The following SFMBT1 variants were observed in gnomAD, a reference collection of about 807,000 sequenced individuals.
The protein encoded by SFMBT1 is scm-like with four MBT domains protein 1.
Under a neutral mutation model 108.7 loss-of-function variants are expected in SFMBT1, and 32 were observed. That is an observed-to-expected ratio of 0.29 (90% CI 0.22 to 0.40). The LOEUF (loss-of-function observed/expected upper bound fraction) is 0.40. Ranked by LOEUF, SFMBT1 falls within the 10% of genes least tolerant of loss-of-function variation. The pLI is 1.00. For synonymous variants in SFMBT1, 348 were observed against 369.5 expected (o/e 0.94, Z 0.67); for missense variants, 816 against 1,059.6 (o/e 0.77, Z 3.19).
chr3:52,962,678 C>T (rs945215789), intron 2 of SFMBT1, among the ~76,000 whole-genome samples: 2 of 151,676 alleles, frequency 1.3e-5, no homozygotes, highest in Non-Finnish European at 2.9e-5. Context: ...CATGGTGGCA[C>T]GTGCCTGTAA....
intron 4 of SFMBT1, among the ~76,000 whole-genome samples, chr3:52,942,742 T>C (rs1389777020): frequency 1.3e-5 from 2 of 152,234 alleles, no homozygotes; most frequent in African/African-American, 2.4e-5. Flanking sequence ...CTCGAACTCC[T>C]GACCTCAGGT....
chr3:52,928,490 C>T, intron 8 of SFMBT1, 149 bp from the exon 9 acceptor site: 1 of 734,644 alleles, frequency 1.4e-6, no homozygotes, highest in African/African-American at 1.8e-5. Context: ...TTATGTAATA[C>T]ATATAATTAC....
intron 3 of SFMBT1, among the ~76,000 whole-genome samples, chr3:52,945,145 A>AAAAAAAAAAAAAAAAAAAAAAAAC (rs1420084654): frequency 6.8e-6 from 1 of 147,602 alleles, no homozygotes; most frequent in African/African-American, 2.5e-5. Context: ...TTAAAAAAAA[A>AAAAAAAAAAAAAAAAAAAAAAAAC]AAAAAACAAG....
At chr3:53,021,243 T>C in intron 1 of SFMBT1, among the ~76,000 whole-genome samples, 1 of 152,224 alleles carries the variant, frequency 6.6e-6, no homozygotes, top group East Asian at 1.9e-4. Context: ...GAGTAACTAG[T>C]ATGTACCTAA....
rs1010106142 is a variant in SFMBT1, at chr3:52,932,107, C to T, written c.655G>A (p.Val219Ile). 9 of 1,614,140 alleles carry T rather than the reference C, an allele frequency of 5.6e-6. No individual in the cohort carries two copies. The highest frequency in any genetic ancestry group is 7.6e-6 in the Non-Finnish European group (9 of 1,180,040). Residue 219 changes from valine to isoleucine, a missense_variant, in exon 6 of 21, where the codon GTT becomes ATT. Physicochemically the swap from Val to Ile is conservative, Grantham distance 29. Transcript: ENST00000394752. Reference sequence around the variant, plus strand: ...TATCCCTGTTGAGCAGCCCAACCAACGTGATGAAGAAATGGATCCAAGTAA... The same window carrying T: ...TATCCCTGTTGAGCAGCCCAACCAATGTGATGAAGAAATGGATCCAAGTAA... ...LYYLDPFLHH[V>I]GWAAQQGYEL...
chr3:52,960,328 G>A (rs1361574416), intron 2 of SFMBT1, among the ~76,000 whole-genome samples: 1 of 152,058 alleles, frequency 6.6e-6, no homozygotes, highest in Non-Finnish European at 1.5e-5. Context: ...TAGAAGGGAA[G>A]TACAAAAGAG....
chr3:52,982,090 C>T (rs983715624), intron 1 of SFMBT1, among the ~76,000 whole-genome samples: 2 of 152,014 alleles, frequency 1.3e-5, no homozygotes, highest in Admixed American at 6.5e-5. Flanking sequence ...TGGTGAAGGG[C>T]GTCTACTTGC....
At chr3:53,028,645 T>C (rs9847710) in intron 1 of SFMBT1, among the ~76,000 whole-genome samples, 69,864 of 151,764 alleles carry the variant, frequency 0.46, 16,490 homozygotes, top group South Asian at 0.63. Context: ...CTGTGTATGG[T>C]CACTGCATTC....
intron 4 of SFMBT1, among the ~76,000 whole-genome samples, chr3:52,940,891 G>A (rs187576646): frequency 6.6e-6 from 1 of 152,316 alleles, no homozygotes; most frequent in East Asian, 1.9e-4. Context: ...CTGATATCAT[G>A]CACTGGAAGG....
At chr3:52,981,032 C>A (rs1241059561) in intron 1 of SFMBT1, among the ~76,000 whole-genome samples, 1 of 151,924 alleles carries the variant, frequency 6.6e-6, no homozygotes, top group African/African-American at 2.4e-5. Context: ...CGTGGTGGCA[C>A]ATGCCTGTAA....
intron 1 of SFMBT1, chr3:53,045,377 C>CGCGCGGGGAGGG (rs1700195939): frequency 1.4e-5 from 2 of 140,278 alleles, no homozygotes; most frequent in African/African-American, 5.1e-5. Flanking sequence ...GCGCGGGGCG[C>CGCGCGGGGAGGG]GCGCGGGGAG....
intron 1 of SFMBT1, among the ~76,000 whole-genome samples, chr3:52,976,858 C>A (rs1704536473): frequency 6.6e-6 from 1 of 152,104 alleles, no homozygotes; most frequent in South Asian, 2.1e-4. Flanking sequence ...TCAACCTCAA[C>A]AGCTAAAATT....
chr3:52,941,676 C>A (rs141308607), intron 4 of SFMBT1, among the ~76,000 whole-genome samples: 1 of 147,236 alleles, frequency 6.8e-6, no homozygotes, highest in Non-Finnish European at 1.5e-5. Context: ...AAAGGAGGAA[C>A]GCTTAAGACC....
intron 1 of SFMBT1, among the ~76,000 whole-genome samples, chr3:52,982,880 G>A (rs1704765945): frequency 6.6e-6 from 1 of 151,850 alleles, no homozygotes; most frequent in Admixed American, 6.6e-5. Context: ...AGAAGAAGCA[G>A]TGCCAGAAAA....
chr3:52,970,834 G>A (rs1042875773), intron 1 of SFMBT1, among the ~76,000 whole-genome samples: 6 of 152,152 alleles, frequency 3.9e-5, no homozygotes, highest in African/African-American at 1.4e-4. Flanking sequence ...AAGGACAATA[G>A]CTTAAAATGG....
chr3:52,994,990 T>C (rs56384586), intron 1 of SFMBT1, among the ~76,000 whole-genome samples: 45,609 of 143,950 alleles, frequency 0.32, 9,118 homozygotes, highest in Middle Eastern at 0.45. Flanking sequence ...AAAAAATCTA[T>C]TCACTGTAGC....
chr3:53,016,166 A>C (rs1409337298), intron 1 of SFMBT1, among the ~76,000 whole-genome samples: 1 of 152,044 alleles, frequency 6.6e-6, no homozygotes, highest in African/African-American at 2.4e-5. Context: ...TGAAAAAAAA[A>C]AACAAAACCC....
chr3:52,996,808 G>A (rs534021800), intron 1 of SFMBT1, among the ~76,000 whole-genome samples: 2 of 150,338 alleles, frequency 1.3e-5, no homozygotes, highest in Non-Finnish European at 3.0e-5. Context: ...GGTGGCTCAC[G>A]CCTGTAATCC....
chr3:52,905,295 C>T lies in SFMBT1; in HGVS notation c.2461-19G>A, dbSNP rs759464694. On this transcript the variant is annotated intron_variant, in intron 20 of 20. Coordinates refer to ENST00000394752, the MANE Select transcript of SFMBT1 (RefSeq NM_016329.4). Reference sequence around the variant, plus strand: ...CAATTTCCTGTTAAAGCATAAAAGACAAATTATCTGTGATGTGCACATGAA... The same window carrying T: ...CAATTTCCTGTTAAAGCATAAAAGATAAATTATCTGTGATGTGCACATGAA... 6.2e-7 allele frequency: 1 copy of T among 1,609,954 alleles called. No individual in the cohort carries two copies. The highest frequency in any genetic ancestry group is 1.1e-5 in the South Asian group (1 of 90,332).
Sources: allele counts gnomAD v4.1 joint callset (sites outside exome capture counted in the v4.1 genomes callset), GRCh38; gene constraint gnomAD v4.1.1; transcripts MANE v1.5; gene names NCBI Gene and HGNC (gene_info 2026-07-23, HGNC 2026-07-21).